The following SDHC variants were observed in gnomAD, a reference collection of about 807,000 sequenced individuals.
The protein encoded by SDHC is succinate dehydrogenase complex subunit C, also known as succinate dehydrogenase cytochrome b560 subunit, mitochondrial.
A neutral mutation model predicts 22.6 loss-of-function variants in SDHC; 11 were observed. That is an observed-to-expected ratio of 0.49 (90% CI 0.31 to 0.81). SDHC has a LOEUF of 0.81. Among genes scored for constraint, SDHC ranks in the 30% least tolerant of loss-of-function variants. SDHC has a pLI of 0.05. For synonymous variants in SDHC, 80 were observed against 77.8 expected, an observed-to-expected ratio of 1.03 and a Z score of -0.15; for missense variants, 160 against 212.0, an observed-to-expected ratio of 0.75 and a Z score of 1.52.
intron 4 of SDHC, among the ~76,000 whole-genome samples, chr1:161,351,695 G>A (rs1672100576): frequency 6.6e-6 from 1 of 152,164 alleles, no homozygotes; most frequent in African/African-American, 2.4e-5. Context: ...CTTTACCTCA[G>A]TACGTGAGTA....
At chr1:161,320,557 A>G (rs1670801405) in intron 1 of SDHC, among the ~76,000 whole-genome samples, 1 of 152,066 alleles carries the variant, frequency 6.6e-6, no homozygotes, top group African/African-American at 2.4e-5. Flanking sequence ...CAGAAATCAA[A>G]TTTATTTTCA....
rs575871367 is a variant in SDHC at position 161,333,022 on chromosome 1, T to G, written c.179+4525T>G. ...GTTTGTCCCTCCCAGCTCTAGACAA[T>G]CAGTTATTTACTTTCCATCTTATAA... On this transcript the variant is annotated intron_variant, in intron 3 of 5. Coordinates refer to ENST00000367975, the MANE Select transcript of SDHC (RefSeq NM_003001.5). Among the ~76,000 whole-genome samples, 300 of 152,346 alleles carry G rather than the reference T, an allele frequency of 2.0e-3. 1 individual carries two copies. Among genetic ancestry groups the G allele is most frequent in the Non-Finnish European group, 2.7e-3 (186 of 68,030 alleles).
At chr1:161,341,643 A>G (rs1280023919) in intron 4 of SDHC, among the ~76,000 whole-genome samples, 1 of 152,182 alleles carries the variant, frequency 6.6e-6, no homozygotes, top group Non-Finnish European at 1.5e-5. Context: ...TTATTTTCTC[A>G]CAAGAATGTG....
At chr1:161,319,250 T>G (rs1056445684) in intron 1 of SDHC, among the ~76,000 whole-genome samples, 3 of 151,894 alleles carry the variant, frequency 2.0e-5, no homozygotes, top group Non-Finnish European at 4.4e-5. Flanking sequence ...AATAAATAAA[T>G]AAAGTACTGT....
At chr1:161,328,295 C>A in intron 2 of SDHC, 101 bp from the exon 3 acceptor site, 1 of 955,116 alleles carries the variant, frequency 1.0e-6, no homozygotes. Context: ...AGCAACCATG[C>A]CTGGCTTGGT....
chr1:161,347,517 A>G (rs1250076091), intron 4 of SDHC, among the ~76,000 whole-genome samples: 1 of 150,792 alleles, frequency 6.6e-6, no homozygotes, highest in Non-Finnish European at 1.5e-5. Flanking sequence ...GGCCTCCTGA[A>G]GTGTTGGGAT....
chr1:161,345,468 T>A (rs1008086404), intron 4 of SDHC, among the ~76,000 whole-genome samples: 4 of 152,228 alleles, frequency 2.6e-5, no homozygotes, highest in Non-Finnish European at 1.5e-5. Context: ...TATTTTATTT[T>A]ATTTTTGAGA....
rs1571890248 is a variant in SDHC, at chr1:161,356,761, G to C, written c.326G>C (p.Gly109Ala). The change falls in exon 5 of 6, where the codon GGG becomes GCG. Residue 109 changes from glycine to alanine, a missense_variant. Coordinates refer to ENST00000367975, the MANE Select transcript of SDHC (RefSeq NM_003001.5). ...GAACTTGTGAAGTCCCTGTGTCTGG[G>C]GCCAGCACTGATCCACACAGCTAAG... ...YLELVKSLCL[G>A]PALIHTAKFA... 11 of 1,613,720 alleles carry C rather than the reference G, an allele frequency of 6.8e-6. No individual in the cohort carries two copies. The highest frequency in any genetic ancestry group is 9.3e-6 in the Non-Finnish European group (11 of 1,179,960).
chr1:161,328,614 AG>A, intron 3 of SDHC, 117 bp downstream of exon 3: 3 of 743,416 alleles, frequency 4.0e-6, no homozygotes, highest in Non-Finnish European at 7.3e-6. Context: ...ACTGCTATGT[AG>A]ATGAGGTGAA....
At chr1:161,347,979 A>G (rs1671959230) in intron 4 of SDHC, among the ~76,000 whole-genome samples, 2 of 152,226 alleles carry the variant, frequency 1.3e-5, no homozygotes, top group African/African-American at 2.4e-5. Flanking sequence ...AAAGCCATTA[A>G]AAGTTCATGT....
chr1:161,327,752 T>C lies in SDHC; in HGVS notation c.78-644T>C, dbSNP rs141457599. ...AATTTTTTTCTATTTTTAGTAGAGA[T>C]GGGGTTTCACCGTGTTGGCCAGGCT... On this transcript the variant is annotated intron_variant, in intron 2 of 5. Transcript: ENST00000367975. Among the ~76,000 whole-genome samples the C allele has an allele frequency of 1.8e-3, 271 of 151,866 alleles. 3 individuals are homozygous for C. Among genetic ancestry groups the C allele is most frequent in the African/African-American group, 6.4e-3 (264 of 41,480 alleles).
At chr1:161,319,478 G>A (rs1014815946) in intron 1 of SDHC, among the ~76,000 whole-genome samples, 1 of 148,734 alleles carries the variant, frequency 6.7e-6, no homozygotes, top group Non-Finnish European at 1.5e-5. Flanking sequence ...ACTGAGTCTC[G>A]CTCTGTCGCC....
chr1:161,356,261 G>A (rs1672266841), intron 4 of SDHC, among the ~76,000 whole-genome samples: 1 of 151,942 alleles, frequency 6.6e-6, no homozygotes, highest in South Asian at 2.1e-4. Flanking sequence ...TTTCAAGGCC[G>A]GGTGCAGTGG....
chr1:161,315,736 G>A (rs1293517979), intron 1 of SDHC, among the ~76,000 whole-genome samples: 2 of 152,136 alleles, frequency 1.3e-5, no homozygotes, highest in Non-Finnish European at 1.5e-5. Flanking sequence ...CTCCACACCT[G>A]TGGGTGTTTC....
intron 4 of SDHC, among the ~76,000 whole-genome samples, chr1:161,348,169 T>G (rs146791009): frequency 1.7e-3 from 260 of 152,218 alleles, no homozygotes; most frequent in African/African-American, 4.3e-3. Context: ...TTGTTTGTTT[T>G]TTTTTGAGAT....
At chr1:161,346,072 T>C (rs1294370833) in intron 4 of SDHC, among the ~76,000 whole-genome samples, 1 of 152,238 alleles carries the variant, frequency 6.6e-6, no homozygotes, top group African/African-American at 2.4e-5. Context: ...CCCAAAGTGT[T>C]GGGATTACAG....
intron 1 of SDHC, among the ~76,000 whole-genome samples, chr1:161,316,850 C>T (rs1413128621): frequency 3.3e-5 from 5 of 152,088 alleles, no homozygotes; most frequent in Admixed American, 2.6e-4. Context: ...ATCCTAGGAG[C>T]TGATTTCTGG....
intron 5 of SDHC, among the ~76,000 whole-genome samples, chr1:161,357,407 T>G (rs1374150883): frequency 6.6e-6 from 1 of 152,136 alleles, no homozygotes; most frequent in Non-Finnish European, 1.5e-5. Context: ...TTAATTTAAT[T>G]TTATTTTTTG....
At chr1:161,350,817 C>T (rs55694670) in intron 4 of SDHC, among the ~76,000 whole-genome samples, 11,994 of 152,054 alleles carry the variant, frequency 0.079, 564 homozygotes, top group East Asian at 0.17. Context: ...TTCCCCTTTC[C>T]AACAGTTTTC....
Sources: gnomAD v4.1 joint callset for allele counts (sites outside exome capture counted in the v4.1 genomes callset) on GRCh38, gnomAD v4.1.1 for gene constraint, MANE v1.5 for transcripts, NCBI Gene and HGNC (gene_info 2026-07-23, HGNC 2026-07-21) for gene names.